Variants in TRERF1 observed in about 807,000 individuals in gnomAD.
The protein encoded by TRERF1 is transcriptional-regulating factor 1.
TRERF1 carries 27 observed loss-of-function variants against 122.9 expected under a neutral mutation model. The ratio of observed to expected loss-of-function variants is 0.22; its 90% CI spans 0.16 to 0.30. TRERF1 has a LOEUF of 0.30. TRERF1 is among the 10% of genes least tolerant of loss of function. The pLI is 1.00. For synonymous variants in TRERF1, 636 were observed against 641.7 expected, an observed-to-expected ratio of 0.99 and a Z score of 0.13; for missense variants, 1,248 against 1,560.3, an observed-to-expected ratio of 0.80 and a Z score of 3.37.
At chr6:42,394,138 C>T (rs1347973665) in intron 2 of TRERF1, among the ~76,000 whole-genome samples, 1 of 152,136 alleles carries the variant, frequency 6.6e-6, no homozygotes, top group Admixed American at 6.5e-5. Flanking sequence ...TGAGGTAACG[C>T]CCAGGAAGAC....
chr6:42,269,110 T>C lies in TRERF1; in HGVS notation c.481A>G (p.Asn161Asp). 1 of 1,614,190 alleles carries C rather than the reference T, an allele frequency of 6.2e-7. No homozygotes were observed. The highest frequency in any genetic ancestry group is 8.5e-7 in the Non-Finnish European group (1 of 1,180,022). Residue 161 changes from asparagine (N) to aspartate (D), a missense_variant, in exon 5 of 18, where the codon AAT becomes GAT. Transcript: ENST00000372922. The surrounding 1 kb of genome is among the most constrained non-coding windows in gnomAD (Gnocchi z 4.9). The stretch of plus-strand genomic sequence containing the variant: ...TGAGTGTGCAGCACCTGGGCCATAT[T>C]GTTGACCTGAATTCGCAGGTTTTGG...
intron 4 of TRERF1, among the ~76,000 whole-genome samples, chr6:42,293,190 G>A (rs540431470): frequency 3.9e-5 from 6 of 152,298 alleles, no homozygotes; most frequent in African/African-American, 1.4e-4. Flanking sequence ...AAGAAAAAAC[G>A]AGGCCAATCT....
chr6:42,228,802 C>T lies in TRERF1; in HGVS notation c.3279-133G>A. The T allele has an allele frequency of 5.0e-6, 4 of 805,498 alleles. No individual in the cohort carries two copies. The highest frequency in any genetic ancestry group is 8.0e-6 in the Non-Finnish European group (4 of 502,848). The allele number at this position is 805,498 out of a possible 1,614,324, so 49.9% of individuals were successfully genotyped here. On this transcript the variant is annotated intron_variant, in intron 17 of 17. Transcript: ENST00000372922. This position sits in a 1 kb window ranked among gnomAD's most constrained non-coding sequence, Gnocchi z 4.2. ...GCTGCTCGGCTTCTAGGACCTCCTT[C>T]CCCTGTGACCTGTCACCTCTCTTCC...
chr6:42,372,456 C>T (rs1177826930), intron 2 of TRERF1, among the ~76,000 whole-genome samples: 3 of 152,180 alleles, frequency 2.0e-5, no homozygotes, highest in Non-Finnish European at 2.9e-5. Flanking sequence ...CCCCACAGGA[C>T]CATTCCCCTG....
chr6:42,262,529 G>C lies in TRERF1; in HGVS notation c.1884+791C>G, dbSNP rs1046166925. ...AGAGAGAGAGAGAGAGAGAGAGAGAGAGAGAGAGAGAGAGAGAGAGAGAGA... is the reference window on the plus strand; with the variant it reads ...AGAGAGAGAGAGAGAGAGAGAGAGACAGAGAGAGAGAGAGAGAGAGAGAGA... On this transcript the variant is annotated intron_variant, in intron 8 of 17. Coordinates refer to ENST00000372922, the Ensembl canonical transcript of TRERF1. Among the ~76,000 whole-genome samples, 87 of 53,066 alleles carry C rather than the reference G, an allele frequency of 1.6e-3. 8 individuals carry two copies. Among genetic ancestry groups the C allele is most frequent in the South Asian group, 9.3e-3 (9 of 966 alleles). The allele number at this position is 53,066 out of a possible 152,430, so 34.8% of individuals were successfully genotyped here.
rs576168639 is a variant in TRERF1, at chr6:42,363,260, A to G, written c.-453-181T>C. 2.7e-4 allele frequency among the ~76,000 whole-genome samples: 41 copies of G among 152,332 alleles called. 1 individual carries two copies. In the South Asian group the frequency reaches 8.1e-3, roughly 30 times the overall value. On this transcript the variant is annotated intron_variant, in intron 2 of 17. Transcript: ENST00000372922. ...CTGCTGAGGAAGGTCCCGGGGGAGA[A>G]GAGGACTTAGGAGACCAAGACGTTC...
rs187811229 is a variant in TRERF1 at position 42,404,033 on chromosome 6, C to T, written c.-453-40954G>A. On this transcript the variant is annotated intron_variant, in intron 2 of 17. Transcript: ENST00000372922. ...CTCCGTGGGTGCCTCTCCGGCCACT[C>T]ACCACTCTGCCTGACCCCACCCCAC... Among the ~76,000 whole-genome samples the T allele has an allele frequency of 1.5e-3, 230 of 152,250 alleles. 3 individuals carry two copies. The Middle Eastern group carries it at 0.024, about 16-fold the overall frequency.
In TRERF1 at chr6:42,228,741, C is replaced by G; in HGVS notation, c.3279-72G>C. The stretch of plus-strand genomic sequence containing the variant: ...AGTTCTTGGAAATCCAGGTGTCCTA[C>G]GGGGAATGGGGGTGTGTGGTCTGAC... On this transcript the variant is annotated intron_variant, in intron 17 of 17. Coordinates refer to ENST00000372922, the Ensembl canonical transcript of TRERF1. The surrounding 1 kb of genome is among the most constrained non-coding windows in gnomAD (Gnocchi z 4.2). 1 of 1,459,742 alleles carries G rather than the reference C, an allele frequency of 6.9e-7. No homozygotes were observed. The allele number at this position is 1,459,742 out of a possible 1,614,324, so 90.4% of individuals were successfully genotyped here.
At chr6:42,260,428 G>A (rs1157816796) in intron 8 of TRERF1, among the ~76,000 whole-genome samples, 1 of 152,088 alleles carries the variant, frequency 6.6e-6, no homozygotes, top group Admixed American at 6.5e-5. Context: ...TATTTTAATG[G>A]CAGCGGAACC....
At chr6:42,254,950 G>T in intron 12 of TRERF1, 24 bp from the exon 13 acceptor site, 1 of 1,612,590 alleles carries the variant, frequency 6.2e-7, no homozygotes, top group Non-Finnish European at 8.5e-7. Context: ...GGAGAGAAAA[G>T]GCAAGAGTCA....
intron 2 of TRERF1, among the ~76,000 whole-genome samples, chr6:42,428,877 C>T (rs763883601): frequency 6.6e-6 from 1 of 152,150 alleles, no homozygotes; most frequent in East Asian, 1.9e-4. Flanking sequence ...TAATTATTCC[C>T]AGCAGGCCTT....
intron 13 of TRERF1, among the ~76,000 whole-genome samples, chr6:42,248,991 T>C (rs761686111): frequency 1.3e-5 from 2 of 152,098 alleles, no homozygotes; most frequent in African/African-American, 2.4e-5. Context: ...CAAACAACCG[T>C]CATGGTTCCT....
intron 4 of TRERF1, among the ~76,000 whole-genome samples, chr6:42,272,333 G>A (rs914888028): frequency 6.6e-6 from 1 of 152,178 alleles, no homozygotes; most frequent in Non-Finnish European, 1.5e-5. Flanking sequence ...GTGGAGTGAA[G>A]GGTGGAGGAA....
intron 3 of TRERF1, among the ~76,000 whole-genome samples, chr6:42,351,435 A>T (rs1355860209): frequency 6.6e-6 from 1 of 152,252 alleles, no homozygotes; most frequent in Non-Finnish European, 1.5e-5. Flanking sequence ...TCGGCTTTAA[A>T]ACTCATGTTT....
chr6:42,419,525 C>G (rs932875315), intron 2 of TRERF1, among the ~76,000 whole-genome samples: 1 of 152,062 alleles, frequency 6.6e-6, no homozygotes, highest in African/African-American at 2.4e-5. Flanking sequence ...TTCTAAAGTG[C>G]GCAGAACCTC....
At chr6:42,354,458 T>C (rs775204426) in intron 3 of TRERF1, among the ~76,000 whole-genome samples, 3 of 152,120 alleles carry the variant, frequency 2.0e-5, no homozygotes, top group Non-Finnish European at 4.4e-5. Context: ...TTGAATGCTT[T>C]TCTTTTGTTT....
At chr6:42,352,740 GA>G (rs978835434) in intron 3 of TRERF1, among the ~76,000 whole-genome samples, 4 of 152,142 alleles carry the variant, frequency 2.6e-5, no homozygotes, top group African/African-American at 9.6e-5. Flanking sequence ...AACTGGGGGG[GA>G]AAGACATAAT....
chr6:42,332,971 C>G (rs1765497237), intron 3 of TRERF1, among the ~76,000 whole-genome samples: 1 of 152,106 alleles, frequency 6.6e-6, no homozygotes, highest in Non-Finnish European at 1.5e-5. Context: ...TAGGGAGCTC[C>G]CATACTATTC....
Position 42,269,717 on chromosome 6 carries a change from T to C in TRERF1, c.-127A>G. ...TCAGCACTACTCCACGGCTGACATGTCTGTGAACGTGGCTGGAGCCAGGTG... is the reference window on the plus strand; with the variant it reads ...TCAGCACTACTCCACGGCTGACATGCCTGTGAACGTGGCTGGAGCCAGGTG... On this transcript the variant is annotated 5_prime_UTR_variant, in exon 5 of 18. Coordinates refer to ENST00000372922, the Ensembl canonical transcript of TRERF1. This position sits in a 1 kb window ranked among gnomAD's most constrained non-coding sequence, Gnocchi z 4.9. The C allele has an allele frequency of 1.4e-6, 2 of 1,452,558 alleles. No homozygotes were observed. The highest frequency in any genetic ancestry group is 1.8e-6 in the Non-Finnish European group (2 of 1,108,384). The allele number at this position is 1,452,558 out of a possible 1,614,324, so 90.0% of individuals were successfully genotyped here.
Sources: allele counts gnomAD v4.1 joint callset (sites outside exome capture counted in the v4.1 genomes callset), GRCh38; gene constraint gnomAD v4.1.1; non-coding constraint Gnocchi (gnomAD v3.1); transcripts MANE v1.5; gene names NCBI Gene and HGNC (gene_info 2026-07-23, HGNC 2026-07-21).